The following KCNK18 variants were observed in gnomAD, a reference collection of about 807,000 sequenced individuals.
The protein encoded by KCNK18 is potassium two pore domain channel subfamily K member 18.
KCNK18 carries 8 observed loss-of-function variants against 11.8 expected under a neutral mutation model. The ratio of observed to expected loss-of-function variants is 0.68; its 90% confidence interval spans 0.40 to 1.22. KCNK18 has a LOEUF of 1.22. Among genes scored for constraint, KCNK18 ranks in the 50% most tolerant of loss-of-function variants. The pLI, the probability that KCNK18 is intolerant of heterozygous loss-of-function variation, is 0.01. For synonymous variants in KCNK18, 208 were observed against 185.8 expected (o/e 1.12, Z -0.97); for missense variants, 442 against 465.4 (o/e 0.95, Z 0.46).
At chr10:117,208,227 T>C (rs1855100466) in intron 2 of KCNK18, among the ~76,000 whole-genome samples, 1 of 152,202 alleles carries the variant, frequency 6.6e-6, no homozygotes, top group Non-Finnish European at 1.5e-5. Flanking sequence ...TTCGTTTCTC[T>C]GTGCTTCAGT....
At chr10:117,203,596 A>G (rs1474371065) in intron 2 of KCNK18, among the ~76,000 whole-genome samples, 2 of 152,128 alleles carry the variant, frequency 1.3e-5, no homozygotes, top group East Asian at 1.9e-4. Flanking sequence ...CTGGAGTGCA[A>G]TGGTGCCATC....
At chr10:117,200,189 T>G (rs2133701554) in intron 1 of KCNK18, among the ~76,000 whole-genome samples, 1 of 152,312 alleles carries the variant, frequency 6.6e-6, no homozygotes, top group Middle Eastern at 3.4e-3. Context: ...GCAATTCTCC[T>G]GCCTCAGCCT....
intron 2 of KCNK18, among the ~76,000 whole-genome samples, chr10:117,204,382 T>C (rs1213924510): frequency 6.6e-6 from 1 of 151,940 alleles, no homozygotes; most frequent in Non-Finnish European, 1.5e-5. Context: ...CAGAGGAGGC[T>C]CCTGTGCAAT....
chr10:117,209,551 A>G lies in KCNK18; in HGVS notation c.407A>G (p.Tyr136Cys), dbSNP rs543423530. The G allele has an allele frequency of 7.4e-6, 12 of 1,614,078 alleles. No homozygotes were observed. The highest frequency in any genetic ancestry group is 2.2e-5 in the East Asian group (1 of 44,882). ...CTTGGCAAGTACTTGTGCATGCTCT[A>G]TGCTCTCTTTGGTATCCCCCTGATG... The part of the protein sequence containing the change: ...TRLGKYLCML[Y>C]ALFGIPLMFL... Residue 136 changes from tyrosine to cysteine, a missense_variant, in exon 3 of 3, where the codon TAT (tyrosine) becomes TGT (cysteine). Transcript: ENST00000334549.
intron 1 of KCNK18, 57 bp from the exon 2 acceptor site, chr10:117,201,102 G>A: frequency 6.2e-7 from 1 of 1,609,504 alleles, no homozygotes; most frequent in South Asian, 1.1e-5. Context: ...ACTGGGGCGG[G>A]GCTTGTCTTT....
rs115251364 is a variant in KCNK18, at chr10:117,209,637, C to T, written c.493C>T (p.Arg165Trp). Residue 165 changes from arginine to tryptophan, a missense_variant, in exon 3 of 3, where the codon CGG becomes TGG. Physicochemically the swap from Arg to Trp is moderately radical, Grantham distance 101. Transcript: ENST00000334549. ...AACCATCTTATCTACATCTTATAAT[C>T]GGTTCCGAAAATTCCCTTTCTTTAC... ...LATILSTSYN[R>W]FRKFPFFTRP... The T allele has an allele frequency of 5.4e-4, 867 of 1,614,172 alleles. 7 individuals are homozygous for T. In the African/African-American group the frequency reaches 0.01, roughly 19 times the overall value.
intron 2 of KCNK18, among the ~76,000 whole-genome samples, chr10:117,208,824 T>G (rs1381434554): frequency 2.0e-5 from 3 of 149,438 alleles, no homozygotes; most frequent in Non-Finnish European, 4.4e-5. Flanking sequence ...CACTGCAACC[T>G]CCACCTCCCG....
chr10:117,210,006 C>A lies in KCNK18; in HGVS notation c.862C>A (p.Leu288Ile), dbSNP rs376041344. 35 of 1,614,194 alleles carry A rather than the reference C, an allele frequency of 2.2e-5. No homozygotes were observed. In the African/African-American group the frequency reaches 3.9e-4, roughly 18 times the overall value. The change falls in exon 3 of 3, where the codon CTT becomes ATT. Residue 288 changes from leucine (L) to isoleucine (I), a missense_variant. Coordinates refer to ENST00000334549, the MANE Select transcript of KCNK18 (RefSeq NM_181840.1). ...RLDIPLPIIA[L>I]IVFAYISCAA... ...GGACATCCCCCTCCCCATCATTGCC[C>A]TTATTGTTTTTGCCTACATTTCCTG...
At chr10:117,205,527 G>T (rs1021421951) in intron 2 of KCNK18, among the ~76,000 whole-genome samples, 11 of 152,258 alleles carry the variant, frequency 7.2e-5, no homozygotes, top group Non-Finnish European at 1.3e-4. Context: ...CACAGTGCCT[G>T]CTCTGTGCTC....
At position 117,209,590 on chromosome 10, in the gene KCNK18, C is replaced by T. The variant is rs756449062; in HGVS notation, c.446C>T (p.Thr149Met). 89 of 1,614,122 alleles carry T rather than the reference C, an allele frequency of 5.5e-5. No individual in the cohort carries two copies. Among genetic ancestry groups the T allele is most frequent in the South Asian group, 2.4e-4 (22 of 91,084 alleles). Reference sequence around the variant, plus strand: ...ATCCCCCTGATGTTCCTCGTTCTCACGGACACAGGCGACATCCTGGCAACC... The same window carrying T: ...ATCCCCCTGATGTTCCTCGTTCTCATGGACACAGGCGACATCCTGGCAACC... The part of the protein sequence containing the change: ...FGIPLMFLVL[T>M]DTGDILATIL... Residue 149 changes from threonine (T) to methionine (M), a missense_variant, in exon 3 of 3, where the codon ACG becomes ATG. Physicochemically the swap from Thr to Met is moderately conservative, Grantham distance 81. Transcript: ENST00000334549.
chr10:117,209,554 C>A lies in KCNK18; in HGVS notation c.410C>A (p.Ala137Asp). 1 of 1,612,564 alleles carries A rather than the reference C, an allele frequency of 6.2e-7. No individual in the cohort carries two copies. The highest frequency in any genetic ancestry group is 1.1e-5 in the South Asian group (1 of 91,080). The change falls in exon 3 of 3, where the codon GCT becomes GAT. Residue 137 changes from alanine (A) to aspartate (D), a missense_variant. By Grantham distance (126) the Ala-to-Asp change is moderately radical. Coordinates refer to ENST00000334549, the MANE Select transcript of KCNK18 (RefSeq NM_181840.1). ...GGCAAGTACTTGTGCATGCTCTATG[C>A]TCTCTTTGGTATCCCCCTGATGTTC... ...RLGKYLCMLYALFGIPLMFLV... is the reference protein window; with the variant it reads ...RLGKYLCMLYDLFGIPLMFLV...
intron 1 of KCNK18, among the ~76,000 whole-genome samples, chr10:117,198,476 G>A (rs1332124056): frequency 6.6e-6 from 1 of 152,190 alleles, no homozygotes; most frequent in Non-Finnish European, 1.5e-5. Flanking sequence ...GCTCTTGGAA[G>A]ACAGAAGTCA....
intron 2 of KCNK18, among the ~76,000 whole-genome samples, chr10:117,207,505 T>C (rs955025368): frequency 1.3e-5 from 2 of 152,266 alleles, no homozygotes; most frequent in African/African-American, 4.8e-5. Context: ...TGCTCAGCAC[T>C]ATGCCCACAG....
At chr10:117,205,326 A>C (rs1356203068) in intron 2 of KCNK18, among the ~76,000 whole-genome samples, 1 of 152,250 alleles carries the variant, frequency 6.6e-6, no homozygotes, top group Non-Finnish European at 1.5e-5. Context: ...CAGTAATTAG[A>C]ATAGTTAATA....
chr10:117,198,692 G>C (rs1206765887), intron 1 of KCNK18, among the ~76,000 whole-genome samples: 1 of 152,204 alleles, frequency 6.6e-6, no homozygotes, highest in African/African-American at 2.4e-5. Context: ...CTCTGGTGTG[G>C]GGGCTCCTTC....
intron 2 of KCNK18, among the ~76,000 whole-genome samples, chr10:117,207,129 A>G (rs1426560705): frequency 6.6e-6 from 1 of 152,106 alleles, no homozygotes; most frequent in East Asian, 1.9e-4. Context: ...CCTGGGTTCA[A>G]GTGATTCTCA....
At chr10:117,199,164 A>G (rs7476167) in intron 1 of KCNK18, among the ~76,000 whole-genome samples, 1 of 152,160 alleles carries the variant, frequency 6.6e-6, no homozygotes, top group African/African-American at 2.4e-5. Flanking sequence ...ATAAAAAATT[A>G]AAAAATTTAG....
chr10:117,206,039 G>GCAAGATCT (rs1855070871), intron 2 of KCNK18, among the ~76,000 whole-genome samples: 1 of 151,968 alleles, frequency 6.6e-6, no homozygotes. Flanking sequence ...GGGCAACAGA[G>GCAAGATCT]CAAGATCTCA....
chr10:117,209,839 A>T lies in KCNK18; in HGVS notation c.695A>T (p.His232Leu). ...AGCATGGAGCTGTTTGAGAGATCTC[A>T]TGCGCTAGAGAAACAGAACACACTG... ...SCSMELFERS[H>L]ALEKQNTLQL... The change falls in exon 3 of 3, where the codon CAT (histidine) becomes CTT (leucine). Residue 232 changes from histidine (H) to leucine (L), a missense_variant. Physicochemically the swap from His to Leu is moderately conservative, Grantham distance 99. Transcript: ENST00000334549. The T allele has an allele frequency of 6.2e-7, 1 of 1,614,034 alleles. No homozygotes were observed. Among genetic ancestry groups the T allele is most frequent in the Non-Finnish European group, 8.5e-7 (1 of 1,179,900 alleles).
Sources: gnomAD v4.1 joint callset for allele counts (sites outside exome capture counted in the v4.1 genomes callset) on GRCh38, gnomAD v4.1.1 for gene constraint, MANE v1.5 for transcripts, NCBI Gene and HGNC (gene_info 2026-07-23, HGNC 2026-07-21) for gene names.